The following PRKCB variants were observed in gnomAD, a reference collection of about 807,000 sequenced individuals.
The protein encoded by PRKCB is protein kinase C beta type.
Under a neutral mutation model 81.5 loss-of-function variants are expected in PRKCB, and 13 were observed. That is an observed-to-expected ratio of 0.16 (90% CI 0.10 to 0.25). The LOEUF (loss-of-function observed/expected upper bound fraction) is 0.25, where lower values mean the gene tolerates loss of function less well. Among genes scored for constraint, PRKCB ranks in the 10% least tolerant of loss-of-function variants. The probability of loss-of-function intolerance (pLI) is 1.00; values close to 1 mark genes in which losing one functional copy is unlikely to be tolerated. For synonymous variants in PRKCB, 335 were observed against 321.4 expected (o/e 1.04, Z -0.45); for missense variants, 509 against 875.7 (o/e 0.58, Z 5.29).
chr16:23,850,004 T>C (rs1458623744), intron 2 of PRKCB, among the ~76,000 whole-genome samples: 1 of 152,210 alleles, frequency 6.6e-6, no homozygotes, highest in Non-Finnish European at 1.5e-5. Context: ...GTAACCATCC[T>C]CCTACTCTCT....
rs200386402 is a variant in PRKCB, at chr16:24,047,028, GA to G, written c.529+11488del. Among the ~76,000 whole-genome samples the G allele has an allele frequency of 2.9e-3, 444 of 151,980 alleles. 3 individuals are homozygous for G. Among genetic ancestry groups the G allele is most frequent in the African/African-American group, 0.01 (435 of 41,440 alleles). On this transcript the variant is annotated intron_variant, in intron 5 of 16. Coordinates refer to ENST00000643927, the MANE Select transcript of PRKCB (RefSeq NM_002738.7). ...GAGACCAGCCTCAGCAACACAGTGA[GA>G]AAAAAAGTCTTAAAAATTAGCTGGG... is the stretch of plus-strand genomic sequence containing the variant.
At chr16:23,914,053 A>G (rs891878425) in intron 2 of PRKCB, among the ~76,000 whole-genome samples, 3 of 151,852 alleles carry the variant, frequency 2.0e-5, no homozygotes, top group African/African-American at 7.3e-5. Context: ...CCCAGGCTGG[A>G]GTGCAGTAGC....
intron 2 of PRKCB, among the ~76,000 whole-genome samples, chr16:23,981,908 C>T (rs761801739): frequency 1.8e-4 from 1 of 5,660 alleles, no homozygotes; most frequent in Non-Finnish European, 3.0e-4. Context: ...CCCTTCCCTT[C>T]CCCTTCCCCT....
chr16:24,191,441 C>G, intron 16 of PRKCB: 1 of 471,898 alleles, frequency 2.1e-6, no homozygotes. Context: ...ATGGAAACGA[C>G]GATGCCTATT....
In PRKCB at chr16:24,068,676, T is replaced by C. The variant is rs184524554; in HGVS notation, c.530-24115T>C. ...AAATAGATTTAGAGTGGTATAATTA[T>C]GTAAAAATTGAATGTTAACATGGAA... On this transcript the variant is annotated intron_variant, in intron 5 of 16. Transcript: ENST00000643927. 2.6e-5 allele frequency among the ~76,000 whole-genome samples: 4 copies of C among 152,316 alleles called. No homozygotes were observed. In the East Asian group the frequency reaches 7.7e-4, roughly 29 times the overall value.
At chr16:24,205,067 C>A (rs1968022635) in intron 16 of PRKCB, among the ~76,000 whole-genome samples, 1 of 151,514 alleles carries the variant, frequency 6.6e-6, no homozygotes, top group Non-Finnish European at 1.5e-5. Flanking sequence ...TTGCAGTGAG[C>A]CGAGATCGTG....
At chr16:23,863,035 G>A (rs1272635668) in intron 2 of PRKCB, among the ~76,000 whole-genome samples, 1 of 150,076 alleles carries the variant, frequency 6.7e-6, no homozygotes, top group Non-Finnish European at 1.5e-5. Context: ...AACCCTTGTA[G>A]CAGAACACAT....
At chr16:24,181,738 A>T (rs1006524935) in intron 13 of PRKCB, among the ~76,000 whole-genome samples, 2 of 115,690 alleles carry the variant, frequency 1.7e-5, no homozygotes, top group South Asian at 6.0e-4. Flanking sequence ...ACTGCACTCC[A>T]GCCTGCCTGG....
intron 16 of PRKCB, among the ~76,000 whole-genome samples, chr16:24,208,688 G>A (rs367974370): frequency 1.3e-5 from 2 of 152,002 alleles, no homozygotes; most frequent in Non-Finnish European, 2.9e-5. Flanking sequence ...TCCATGGTGC[G>A]TTTTTAATTA....
Position 24,188,908 on chromosome 16 carries a change from G to A in PRKCB, c.1723-2182G>A, listed in dbSNP as rs533903424. Among the ~76,000 whole-genome samples the A allele has an allele frequency of 9.9e-5, 15 of 152,272 alleles. No homozygotes were observed. In the South Asian group the frequency reaches 1.5e-3, roughly 15 times the overall value. The stretch of plus-strand genomic sequence containing the variant: ...GTTTAAAGAGTAATGGGTAATGGCC[G>A]GGAAGCCTTTAGCACGGAGCCTGAA... On this transcript the variant is annotated intron_variant, in intron 15 of 16. Coordinates refer to ENST00000643927, the MANE Select transcript of PRKCB (RefSeq NM_002738.7).
chr16:24,005,226 GAAA>G (rs11333770), intron 3 of PRKCB, among the ~76,000 whole-genome samples: 1 of 147,896 alleles, frequency 6.8e-6, no homozygotes. Context: ...ATTGCTAAAT[GAAA>G]AAAAAAAAGC....
chr16:23,873,748 A>G (rs1216575716), intron 2 of PRKCB, among the ~76,000 whole-genome samples: 1 of 152,244 alleles, frequency 6.6e-6, no homozygotes, highest in Non-Finnish European at 1.5e-5. Flanking sequence ...GTTTCAGGAA[A>G]GTCTGCCAGG....
intron 4 of PRKCB, among the ~76,000 whole-genome samples, chr16:24,034,749 G>A (rs947612615): frequency 2.0e-5 from 3 of 152,128 alleles, no homozygotes; most frequent in African/African-American, 7.2e-5. Context: ...CTCTTCCAGG[G>A]AGACCAGATG....
At chr16:24,118,070 G>A (rs910483512) in intron 8 of PRKCB, among the ~76,000 whole-genome samples, 5 of 152,210 alleles carry the variant, frequency 3.3e-5, no homozygotes, top group Admixed American at 3.3e-4. Context: ...TGGTGTCTTG[G>A]AGGAACACCA....
intron 2 of PRKCB, among the ~76,000 whole-genome samples, chr16:23,924,482 C>A (rs898551078): frequency 6.6e-6 from 1 of 151,990 alleles, no homozygotes; most frequent in African/African-American, 2.4e-5. Flanking sequence ...TTTGATCTGG[C>A]GACCACCACA....
At chr16:24,085,729 A>C (rs758800107) in intron 5 of PRKCB, among the ~76,000 whole-genome samples, 3 of 152,222 alleles carry the variant, frequency 2.0e-5, no homozygotes, top group Non-Finnish European at 4.4e-5. Flanking sequence ...AGTGAGAGTC[A>C]TGGCAGAGGT....
intron 7 of PRKCB, among the ~76,000 whole-genome samples, chr16:24,106,487 T>G (rs406192): frequency 0.44 from 66,608 of 152,088 alleles, 16,066 homozygotes; most frequent in Non-Finnish European, 0.54. Flanking sequence ...GTGCATACTA[T>G]TTGGTACCTT....
intron 5 of PRKCB, among the ~76,000 whole-genome samples, chr16:24,073,740 C>T (rs1327427123): frequency 2.0e-5 from 3 of 152,140 alleles, no homozygotes; most frequent in African/African-American, 7.2e-5. Flanking sequence ...TAAAATGTGT[C>T]CAGTATTCCT....
chr16:23,850,369 A>T (rs980416897), intron 2 of PRKCB, among the ~76,000 whole-genome samples: 4 of 151,400 alleles, frequency 2.6e-5, no homozygotes, highest in Non-Finnish European at 4.4e-5. Flanking sequence ...ATTTAATTTA[A>T]TTTTTTTTAA....
Sources: gnomAD v4.1 joint callset for allele counts (sites outside exome capture counted in the v4.1 genomes callset) on GRCh38, gnomAD v4.1.1 for gene constraint, MANE v1.5 for transcripts, NCBI Gene and HGNC (gene_info 2026-07-23, HGNC 2026-07-21) for gene names.